SCYL2: variants seen among roughly 807,000 people sequenced by gnomAD.
SCYL2 encodes the protein SCY1-like protein 2.
A neutral mutation model predicts 100.4 loss-of-function variants in SCYL2; 36 were observed. That is an observed-to-expected ratio of 0.36 (90% confidence interval 0.27 to 0.47). The LOEUF is 0.47. SCYL2 is among the 20% of genes least tolerant of loss of function. The pLI is 1.00. For synonymous variants in SCYL2, 330 were observed against 359.2 expected (o/e 0.92, Z 0.92); for missense variants, 902 against 1,083.9 (o/e 0.83, Z 2.36).
At chr12:100,281,229 A>C (rs889694156) in intron 1 of SCYL2, among the ~76,000 whole-genome samples, 1 of 151,692 alleles carries the variant, frequency 6.6e-6, no homozygotes, top group Non-Finnish European at 1.5e-5. Context: ...GGGTTTCTCC[A>C]TGTTTCCCAG....
chr12:100,313,541 G>A lies in SCYL2; in HGVS notation c.969+3G>A. ...CAGATGCAGATCAAATGACAAAGGT[G>A]AGTACATGTGGATTTCTGCCTAAGA... On this transcript the variant is annotated splice_donor_region_variant and intron_variant, in intron 7 of 17. Coordinates refer to ENST00000360820, the MANE Select transcript of SCYL2 (RefSeq NM_017988.6). 1 of 1,474,938 alleles carries A rather than the reference G, an allele frequency of 6.8e-7. No individual in the cohort carries two copies. The highest frequency in any genetic ancestry group is 9.4e-7 in the Non-Finnish European group (1 of 1,058,716). 91.4% of individuals were successfully genotyped at this position (1,474,938 alleles called of 1,614,324 possible). A position where few individuals can be genotyped will look rare whatever the true frequency, so the allele number is the denominator to read the frequency against.
chr12:100,339,015 G>C lies in SCYL2; in HGVS notation c.2633G>C (p.Gly878Ala). The C allele has an allele frequency of 1.9e-6, 3 of 1,614,108 alleles. No individual in the cohort carries two copies. The highest frequency in any genetic ancestry group is 2.5e-6 in the Non-Finnish European group (3 of 1,179,980). ...CCTCCTCAAGGTTCTCCAACTATGG[G>C]CAGTTCAGTAATGGGGACACAGATG... Reference protein sequence around the residue: ...FVPPQGSPTMGSSVMGTQMNV... With the variant: ...FVPPQGSPTMASSVMGTQMNV... The change falls in exon 18 of 18, where the codon GGC becomes GCC. Residue 878 changes from glycine (G) to alanine (A), a missense_variant. Physicochemically the swap from Gly to Ala is moderately conservative, Grantham distance 60. Coordinates refer to ENST00000360820, the MANE Select transcript of SCYL2 (RefSeq NM_017988.6).
intron 12 of SCYL2, chr12:100,327,121 CGTTAT>C (rs1264154316): frequency 1.2e-5 from 4 of 321,396 alleles, no homozygotes; most frequent in African/African-American, 4.4e-5. Context: ...ATTTTCTCTG[CGTTAT>C]GTTATTTTAT....
Position 100,283,030 on chromosome 12 carries a change from T to G in SCYL2, c.60T>G (p.Thr20=), listed in dbSNP as rs769544307. ...STVTKVTADV[T]SAVMGNPVTR... Reference sequence around the variant, plus strand: ...TTACAAAAGTAACAGCTGATGTCACTAGTGCTGTAATGGGAAATCCTGTCA... The same window carrying G: ...TTACAAAAGTAACAGCTGATGTCACGAGTGCTGTAATGGGAAATCCTGTCA... Residue 20 remains threonine (T), a synonymous_variant, in exon 2 of 18, where the codon ACT becomes ACG. Transcript: ENST00000360820. 1.2e-6 allele frequency: 2 copies of G among 1,612,698 alleles called. No homozygotes were observed. The highest frequency in any genetic ancestry group is 2.7e-5 in the African/African-American group (2 of 74,904).
In SCYL2 at chr12:100,329,206, T is replaced by C; in HGVS notation, c.1648T>C (p.Tyr550His). The C allele has an allele frequency of 6.5e-7, 1 of 1,529,758 alleles. No individual in the cohort carries two copies. The highest frequency in any genetic ancestry group is 9.1e-7 in the Non-Finnish European group (1 of 1,103,822). The allele number at this position is 1,529,758 out of a possible 1,614,324, so 94.8% of individuals were successfully genotyped here. A position where few individuals can be genotyped will look rare whatever the true frequency, so the allele number is the denominator to read the frequency against. ...GTCACATTCTTTTCTATCAGGTATT[T>C]ACAAATGTACTTTTACTCATAAGAA... ...PAVLMGILGI[Y>H]KCTFTHKKLG... The change falls in exon 13 of 18, where the codon TAC (tyrosine) becomes CAC (histidine). Residue 550 changes from tyrosine to histidine, a missense_variant. Tyr to His is a moderately conservative substitution (Grantham distance 83). Transcript: ENST00000360820.
At position 100,335,695 on chromosome 12, in the gene SCYL2, A is replaced by G; in HGVS notation, c.1929+4A>G. ...AGTTACAAATATTGGGAATCAGGTA[A>G]GAAGCAGCTTAATTTTTGCAGAAAG... On this transcript the variant is annotated splice_donor_region_variant and intron_variant, in intron 15 of 17. Transcript: ENST00000360820. 1 of 1,609,994 alleles carries G rather than the reference A, an allele frequency of 6.2e-7. No homozygotes were observed. The highest frequency in any genetic ancestry group is 8.5e-7 in the Non-Finnish European group (1 of 1,177,288).
chr12:100,286,973 T>C (rs1486753365), intron 2 of SCYL2, among the ~76,000 whole-genome samples: 1 of 152,146 alleles, frequency 6.6e-6, no homozygotes, highest in Non-Finnish European at 1.5e-5. Context: ...AAAGTTTATA[T>C]TTTGCTTTAC....
At chr12:100,271,259 G>T (rs1592922679) in intron 1 of SCYL2, among the ~76,000 whole-genome samples, 1 of 28,180 alleles carries the variant, frequency 3.5e-5, no homozygotes, top group Non-Finnish European at 6.6e-5. Context: ...TTGCAGAGCA[G>T]CAAAAAAAAA....
intron 10 of SCYL2, 112 bp from the exon 11 acceptor site, chr12:100,323,413 A>G: frequency 1.5e-6 from 1 of 657,234 alleles, no homozygotes; most frequent in Non-Finnish European, 2.6e-6. Context: ...ATATATATGA[A>G]AATTTGTTTC....
intron 1 of SCYL2, among the ~76,000 whole-genome samples, chr12:100,276,828 A>G (rs1323752965): frequency 6.6e-6 from 1 of 151,780 alleles, no homozygotes; most frequent in Non-Finnish European, 1.5e-5. Context: ...CTAGCTTCCT[A>G]AGGTGGAAGC....
chr12:100,319,447 T>C (rs79858743), intron 10 of SCYL2, among the ~76,000 whole-genome samples: 3 of 152,246 alleles, frequency 2.0e-5, no homozygotes, highest in Non-Finnish European at 4.4e-5. Flanking sequence ...TTTTTCTTTA[T>C]AGTTAATTTG....
At chr12:100,286,338 T>G (rs2096304417) in intron 2 of SCYL2, among the ~76,000 whole-genome samples, 1 of 152,212 alleles carries the variant, frequency 6.6e-6, no homozygotes. Context: ...CTGTTTAGTT[T>G]GACATAAGAT....
chr12:100,336,196 T>C (rs1952274736), intron 16 of SCYL2, among the ~76,000 whole-genome samples: 1 of 152,122 alleles, frequency 6.6e-6, no homozygotes, highest in Non-Finnish European at 1.5e-5. Flanking sequence ...CCTTGGTGAA[T>C]CCCACTGTCT....
At chr12:100,312,299 G>A (rs1949296559) in intron 5 of SCYL2, 133 bp from the exon 6 acceptor site, 1 of 693,634 alleles carries the variant, frequency 1.4e-6, no homozygotes, top group Non-Finnish European at 2.5e-6. Context: ...GGGAATTTGG[G>A]AATTTTGGGA....
chr12:100,267,420 G>A lies in SCYL2; in HGVS notation c.-401G>A. ...AGGTAAGTGACCGGCCGCCGGCACC[G>A]ACCGACCTCCCTCACCGGCGGCTCT... On this transcript the variant is annotated 5_prime_UTR_variant, in exon 1 of 18. Coordinates refer to ENST00000360820, the MANE Select transcript of SCYL2 (RefSeq NM_017988.6). The A allele has an allele frequency of 5.1e-6, 1 of 197,180 alleles. No homozygotes were observed. The highest frequency in any genetic ancestry group is 1.0e-5 in the Non-Finnish European group (1 of 95,910). The allele number at this position is 197,180 out of a possible 1,614,324, so 12.2% of individuals were successfully genotyped here.
rs568729253 is a variant in SCYL2 at position 100,282,395 on chromosome 12, G to A, written c.-28-548G>A. ...GGCTGGAGTGCTGTGGCGCAATCCT[G>A]GCTCACTGCAACCTCCACCTCCTGG... On this transcript the variant is annotated intron_variant, in intron 1 of 17. Transcript: ENST00000360820. 7.6e-4 allele frequency among the ~76,000 whole-genome samples: 92 copies of A among 120,272 alleles called. 4 individuals carry two copies. The highest frequency in any genetic ancestry group is 1.1e-3 in the East Asian group (5 of 4,720). 78.9% of individuals were successfully genotyped at this position (120,272 alleles called of 152,430 possible).
At chr12:100,283,629 T>C (rs993496779) in intron 2 of SCYL2, among the ~76,000 whole-genome samples, 1 of 152,164 alleles carries the variant, frequency 6.6e-6, no homozygotes, top group Non-Finnish European at 1.5e-5. Context: ...CAAAAGTCTT[T>C]TACTTCCCTA....
chr12:100,317,903 A>C lies in SCYL2; in HGVS notation c.1373A>C (p.Glu458Ala). 6.3e-7 allele frequency: 1 copy of C among 1,588,248 alleles called. No individual in the cohort carries two copies. The highest frequency in any genetic ancestry group is 8.5e-7 in the Non-Finnish European group (1 of 1,173,286). ...SVLPMVYRAL[E>A]APSIQIQELC... is the part of the protein sequence containing the mutation. The stretch of plus-strand genomic sequence containing the variant: ...CTACCCATGGTTTACAGAGCACTAG[A>C]AGCTCCTTCCATTCAGATCCAGGTA... Residue 458 changes from glutamate to alanine, a missense_variant, in exon 10 of 18, where the codon GAA (glutamate) becomes GCA (alanine). Transcript: ENST00000360820.
chr12:100,338,354 A>G lies in SCYL2; in HGVS notation c.2146-174A>G, dbSNP rs183538437. ...TTGCAAATATTCATCTGTAAAAACT[A>G]TATAAAAATAGGTGGCAGGCTGTAT... is the stretch of plus-strand genomic sequence containing the variant. On this transcript the variant is annotated intron_variant, in intron 17 of 17. Transcript: ENST00000360820. 8.9e-4 allele frequency among the ~76,000 whole-genome samples: 135 copies of G among 152,322 alleles called. 1 individual carries two copies. Among genetic ancestry groups the G allele is most frequent in the African/African-American group, 3.0e-3 (123 of 41,574 alleles).
Sources: allele counts gnomAD v4.1 joint callset (sites outside exome capture counted in the v4.1 genomes callset), GRCh38; gene constraint gnomAD v4.1.1; transcripts MANE v1.5; gene names NCBI Gene and HGNC (gene_info 2026-07-23, HGNC 2026-07-21).